The following ROBO2 variants were observed in gnomAD, a reference collection of about 807,000 sequenced individuals.
ROBO2 encodes roundabout homolog 2.
ROBO2 carries 53 observed loss-of-function variants against 160.8 expected under a neutral mutation model. The observed-to-expected ratio is 0.33, with a 90% confidence interval of 0.26 to 0.41. The LOEUF is 0.41. Ranked by LOEUF, ROBO2 falls within the 10% of genes least tolerant of loss-of-function variation. The pLI is 1.00. For synonymous variants in ROBO2, 664 were observed against 611.7 expected (o/e 1.09, Z -1.26); for missense variants, 1,577 against 1,722.4 (o/e 0.92, Z 1.49).
intron 2 of ROBO2, among the ~76,000 whole-genome samples, chr3:76,750,697 T>C (rs1438096962): frequency 6.6e-6 from 1 of 152,080 alleles, no homozygotes; most frequent in Non-Finnish European, 1.5e-5. Context: ...CATTCACAAT[T>C]GCTTCAAAGA....
At chr3:77,456,287 G>A (rs1427881456) in intron 2 of ROBO2, among the ~76,000 whole-genome samples, 1 of 152,172 alleles carries the variant, frequency 6.6e-6, no homozygotes, top group Non-Finnish European at 1.5e-5. Context: ...GTGAACAGGA[G>A]TTGCTGTCTG....
chr3:76,201,911 A>G (rs997038299), intron 2 of ROBO2, among the ~76,000 whole-genome samples: 6 of 126,468 alleles, frequency 4.7e-5, no homozygotes, highest in African/African-American at 1.7e-4. Flanking sequence ...AAAAAAAAAA[A>G]GAGATTTAAA....
At chr3:76,813,704 A>C (rs1294083340) in intron 2 of ROBO2, among the ~76,000 whole-genome samples, 3 of 152,168 alleles carry the variant, frequency 2.0e-5, no homozygotes, top group Non-Finnish European at 4.4e-5. Flanking sequence ...GGTAACTCAC[A>C]GGAGAAACTC....
intron 2 of ROBO2, among the ~76,000 whole-genome samples, chr3:76,198,453 AAAAGAAATTACTGCATG>A (rs1419559778): frequency 6.6e-6 from 1 of 152,196 alleles, no homozygotes; most frequent in Non-Finnish European, 1.5e-5. Context: ...GCATGTGATG[AAAAGAAATTACTGCATG>A]AAAGAAATTA....
At chr3:76,373,495 G>T (rs1474448415) in intron 2 of ROBO2, among the ~76,000 whole-genome samples, 3 of 151,928 alleles carry the variant, frequency 2.0e-5, no homozygotes, top group African/African-American at 7.2e-5. Context: ...ATGGCCCATA[G>T]AACACTCTGT....
chr3:77,414,784 A>G (rs1438256942), intron 2 of ROBO2, among the ~76,000 whole-genome samples: 1 of 152,244 alleles, frequency 6.6e-6, no homozygotes, highest in Non-Finnish European at 1.5e-5. Context: ...CCTGGCATAC[A>G]TTGTTTGGTA....
At chr3:77,101,975 G>A (rs1314351242) in intron 2 of ROBO2, among the ~76,000 whole-genome samples, 2 of 152,208 alleles carry the variant, frequency 1.3e-5, no homozygotes, top group African/African-American at 4.8e-5. Context: ...AGGAGGCAGA[G>A]GTGGCAGTGA....
chr3:77,374,144 C>A (rs1188044097), intron 2 of ROBO2, among the ~76,000 whole-genome samples: 1 of 129,318 alleles, frequency 7.7e-6, no homozygotes, highest in East Asian at 2.3e-4. Context: ...CACTCCAGCC[C>A]AGGCCGACAA....
chr3:76,043,151 A>G (rs1017389450), intron 2 of ROBO2, among the ~76,000 whole-genome samples: 8 of 151,814 alleles, frequency 5.3e-5, no homozygotes, highest in Admixed American at 1.3e-4. Flanking sequence ...TTTAAAGCAT[A>G]CAGATGATTC....
At chr3:76,494,930 G>T (rs762133581) in intron 2 of ROBO2, among the ~76,000 whole-genome samples, 1 of 152,156 alleles carries the variant, frequency 6.6e-6, no homozygotes, top group Admixed American at 6.5e-5. Context: ...TGGGTACAGG[G>T]TTTTCTTTTG....
Position 76,275,149 on chromosome 3 carries a change from G to A in ROBO2, c.109+337547G>A, listed in dbSNP as rs548197123. ...AAGTGCTATGTGAGAGTGTCAATGC[G>A]AAGTGCTGTACTTATATTCAATAAT... On this transcript the variant is annotated intron_variant, in intron 2 of 26. Coordinates refer to the ROBO2 transcript ENST00000487694. 6.6e-5 allele frequency among the ~76,000 whole-genome samples: 10 copies of A among 152,216 alleles called. No homozygotes were observed. In the South Asian group the frequency reaches 8.3e-4, roughly 13 times the overall value.
At chr3:77,521,441 A>G (rs1357542659) in intron 5 of ROBO2, among the ~76,000 whole-genome samples, 1 of 151,306 alleles carries the variant, frequency 6.6e-6, no homozygotes, top group Non-Finnish European at 1.5e-5. Context: ...TGCTGTAGCA[A>G]TAAGTTTTCA....
intron 2 of ROBO2, among the ~76,000 whole-genome samples, chr3:77,423,750 A>G (rs1323677565): frequency 6.6e-6 from 1 of 152,168 alleles, no homozygotes; most frequent in Non-Finnish European, 1.5e-5. Context: ...ATGTGTGGAC[A>G]TTTTATCATA....
chr3:77,317,124 A>G (rs1043917574), intron 2 of ROBO2: 3 of 1,224,474 alleles, frequency 2.5e-6, no homozygotes, highest in Admixed American at 3.4e-5. Flanking sequence ...CTCAGGAAGG[A>G]CTTTGCAGTC....
chr3:76,346,182 T>A (rs1265357882), intron 2 of ROBO2, among the ~76,000 whole-genome samples: 1 of 152,130 alleles, frequency 6.6e-6, no homozygotes, highest in Non-Finnish European at 1.5e-5. Flanking sequence ...TTTAATAATC[T>A]CTGAGGAAAG....
At chr3:77,099,566 A>G (rs1157823099) in intron 2 of ROBO2, among the ~76,000 whole-genome samples, 1 of 152,220 alleles carries the variant, frequency 6.6e-6, no homozygotes, top group Non-Finnish European at 1.5e-5. Flanking sequence ...TTATAAAATG[A>G]TACTTCAAAA....
chr3:77,150,422 A>G (rs1436783570), intron 2 of ROBO2, among the ~76,000 whole-genome samples: 1 of 152,192 alleles, frequency 6.6e-6, no homozygotes, highest in Non-Finnish European at 1.5e-5. Context: ...GAGGTTTCAT[A>G]TTTATTTGTT....
intron 2 of ROBO2, among the ~76,000 whole-genome samples, chr3:76,220,026 A>G (rs958377163): frequency 5.3e-5 from 8 of 152,078 alleles, no homozygotes; most frequent in Non-Finnish European, 1.0e-4. Flanking sequence ...TGTCCTTTGT[A>G]GGGACATGGA....
chr3:76,861,297 A>G (rs576637879), intron 2 of ROBO2, among the ~76,000 whole-genome samples: 1 of 152,322 alleles, frequency 6.6e-6, no homozygotes, highest in East Asian at 1.9e-4. Context: ...CCTACCTTGT[A>G]AGTCCTAACT....
Sources: gnomAD v4.1 joint callset for allele counts (sites outside exome capture counted in the v4.1 genomes callset) on GRCh38, gnomAD v4.1.1 for gene constraint, MANE v1.5 for transcripts, NCBI Gene and HGNC (gene_info 2026-07-23, HGNC 2026-07-21) for gene names.